Variants in GRIA1 observed in about 807,000 individuals in gnomAD.
GRIA1 encodes glutamate receptor 1.
In GRIA1, 31 loss-of-function variants were observed where a neutral mutation model predicts 99.2. The observed-to-expected ratio is 0.31, with a 90% CI of 0.23 to 0.42. The LOEUF is 0.42. Ranked by LOEUF, GRIA1 falls within the 10% of genes least tolerant of loss-of-function variation. The pLI is 1.00. For synonymous variants in GRIA1, 438 were observed against 432.4 expected (o/e 1.01, Z -0.16); for missense variants, 782 against 1,157.5 (o/e 0.68, Z 4.71).
At chr5:153,573,107 G>A (rs2149365010) in intron 2 of GRIA1, 1 of 152,276 alleles carries the variant, frequency 6.6e-6, no homozygotes, top group East Asian at 1.9e-4. Flanking sequence ...GGTGGCTAAT[G>A]AGCACATCTC....
At chr5:153,749,403 C>T (rs1248879803) in intron 11 of GRIA1, among the ~76,000 whole-genome samples, 1 of 152,128 alleles carries the variant, frequency 6.6e-6, no homozygotes, top group Non-Finnish European at 1.5e-5. Flanking sequence ...ATTTAGCTCA[C>T]GTTTCTGTAG....
Position 153,599,210 on chromosome 5 carries a change from C to T in GRIA1, c.221-47718C>T, listed in dbSNP as rs144038266. 3.9e-5 allele frequency among the ~76,000 whole-genome samples: 6 copies of T among 152,248 alleles called. No individual in the cohort carries two copies. The East Asian group carries it at 1.2e-3, about 29-fold the overall frequency. ...GCTGTTGATTTTATATAATTTCCTT[C>T]CTTTTTGGCTGATTGAAGTCCATTG... is the stretch of plus-strand genomic sequence containing the variant. On this transcript the variant is annotated intron_variant, in intron 2 of 15. Transcript: ENST00000285900.
intron 4 of GRIA1, among the ~76,000 whole-genome samples, chr5:153,655,028 C>G (rs1423404290): frequency 6.6e-6 from 1 of 152,194 alleles, no homozygotes; most frequent in Non-Finnish European, 1.5e-5. Flanking sequence ...GACACTGGTT[C>G]TTAATGATTA....
intron 8 of GRIA1, among the ~76,000 whole-genome samples, chr5:153,693,227 T>A (rs185522157): frequency 2.8e-4 from 43 of 152,240 alleles, no homozygotes; most frequent in African/African-American, 1.0e-3. Flanking sequence ...TTTTGGGGCA[T>A]CAGCCTAGAA....
intron 10 of GRIA1, among the ~76,000 whole-genome samples, chr5:153,700,138 A>C (rs1390930660): frequency 1.3e-5 from 2 of 152,140 alleles, no homozygotes; most frequent in African/African-American, 4.8e-5. Flanking sequence ...TAATCCCAGC[A>C]CCTTGGGAGG....
At chr5:153,584,541 T>C (rs535042707) in intron 2 of GRIA1, among the ~76,000 whole-genome samples, 1 of 152,270 alleles carries the variant, frequency 6.6e-6, no homozygotes, top group Non-Finnish European at 1.5e-5. Context: ...AGTAAGCAAA[T>C]CTAAAGTGTT....
chr5:153,724,409 C>G (rs1165198446), intron 11 of GRIA1, among the ~76,000 whole-genome samples: 2 of 152,142 alleles, frequency 1.3e-5, no homozygotes, highest in Non-Finnish European at 2.9e-5. Context: ...ATGACTTTGA[C>G]GAGTTGAGAG....
At chr5:153,672,507 T>G (rs940977138) in intron 5 of GRIA1, among the ~76,000 whole-genome samples, 1 of 152,108 alleles carries the variant, frequency 6.6e-6, no homozygotes, top group Non-Finnish European at 1.5e-5. Flanking sequence ...GGAAATCACA[T>G]TTCCAGGCAG....
chr5:153,797,453 A>C (rs564030841), intron 14 of GRIA1, among the ~76,000 whole-genome samples: 2 of 152,332 alleles, frequency 1.3e-5, no homozygotes, highest in South Asian at 2.1e-4. Context: ...TCTCTTCTGG[A>C]CCTTGAGCCA....
intron 2 of GRIA1, among the ~76,000 whole-genome samples, chr5:153,528,129 A>T (rs1353793569): frequency 2.0e-5 from 3 of 151,502 alleles, no homozygotes; most frequent in African/African-American, 4.8e-5. Flanking sequence ...TTTATTGTGT[A>T]GAGTGGACTA....
intron 11 of GRIA1, among the ~76,000 whole-genome samples, chr5:153,747,195 G>A (rs1762212167): frequency 1.3e-5 from 2 of 152,290 alleles, no homozygotes; most frequent in Admixed American, 1.3e-4. Flanking sequence ...CTTCTGGTGA[G>A]GCCTCAGGAA....
In GRIA1 at chr5:153,719,973, T is replaced by C. The variant is rs143119457; in HGVS notation, c.1823+13906T>C. Among the ~76,000 whole-genome samples, 448 of 152,346 alleles carry C rather than the reference T, an allele frequency of 2.9e-3. 3 individuals are homozygous for C. The highest frequency in any genetic ancestry group is 0.01 in the African/African-American group (418 of 41,582). ...GTAGAGGACTATATGGCATTTATAGTCAGTGATTATTAGTATTCCATGTAG... is the reference window on the plus strand; with the variant it reads ...GTAGAGGACTATATGGCATTTATAGCCAGTGATTATTAGTATTCCATGTAG... On this transcript the variant is annotated intron_variant, in intron 11 of 15. Coordinates refer to ENST00000285900, the MANE Select transcript of GRIA1 (RefSeq NM_000827.4).
chr5:153,688,545 G>A (rs550389271), intron 8 of GRIA1, among the ~76,000 whole-genome samples: 1 of 152,226 alleles, frequency 6.6e-6, no homozygotes, highest in Non-Finnish European at 1.5e-5. Flanking sequence ...CTGTGTTAGT[G>A]GTTATTAATA....
chr5:153,553,498 G>A (rs1245428711), intron 2 of GRIA1, among the ~76,000 whole-genome samples: 3 of 152,202 alleles, frequency 2.0e-5, no homozygotes, highest in African/African-American at 7.2e-5. Context: ...GGGGTTTTAT[G>A]TGCTGGTGTG....
At chr5:153,572,140 C>T (rs1762164231) in intron 2 of GRIA1, among the ~76,000 whole-genome samples, 1 of 152,110 alleles carries the variant, frequency 6.6e-6, no homozygotes. Flanking sequence ...CCTATAAATC[C>T]TTTTTGAAAT....
rs144456138 is a variant in GRIA1, at chr5:153,585,180, G to T, written c.221-61748G>T. On this transcript the variant is annotated intron_variant, in intron 2 of 15. Transcript: ENST00000285900. ...GCTATTCCAAGTGCAAGTTGGAACA[G>T]CAGGTGCCTTGGCACCAAAGCTCTA... is the stretch of plus-strand genomic sequence containing the variant. Among the ~76,000 whole-genome samples the T allele has an allele frequency of 5.7e-3, 865 of 152,066 alleles. 6 individuals are homozygous for T. The highest frequency in any genetic ancestry group is 0.02 in the African/African-American group (840 of 41,468).
intron 2 of GRIA1, among the ~76,000 whole-genome samples, chr5:153,586,370 T>G (rs1023990795): frequency 6.6e-6 from 1 of 152,236 alleles, no homozygotes; most frequent in Non-Finnish European, 1.5e-5. Context: ...GGTGCTACTA[T>G]TATCCTCATT....
At chr5:153,707,043 C>T (rs1232912005) in intron 11 of GRIA1, among the ~76,000 whole-genome samples, 10 of 152,000 alleles carry the variant, frequency 6.6e-5, no homozygotes, top group Admixed American at 5.2e-4. Flanking sequence ...CACTTGAACC[C>T]GGGAGGCAGA....
chr5:153,660,984 C>G (rs886549173), intron 5 of GRIA1, among the ~76,000 whole-genome samples: 1 of 152,198 alleles, frequency 6.6e-6, no homozygotes, highest in Non-Finnish European at 1.5e-5. Context: ...CATGTGCTTG[C>G]AGATTAACTC....
Sources: gnomAD v4.1 joint callset for allele counts (sites outside exome capture counted in the v4.1 genomes callset) on GRCh38, gnomAD v4.1.1 for gene constraint, MANE v1.5 for transcripts, NCBI Gene and HGNC (gene_info 2026-07-23, HGNC 2026-07-21) for gene names.